Variants in RBPMS observed in about 807,000 individuals in gnomAD.
The protein encoded by RBPMS is RNA-binding protein with multiple splicing.
RBPMS carries 7 observed loss-of-function variants against 26.8 expected under a neutral mutation model. That is an observed-to-expected ratio of 0.26 (90% CI 0.15 to 0.49). The LOEUF (loss-of-function observed/expected upper bound fraction) is 0.49, where lower values mean the gene tolerates loss of function less well. Ranked by LOEUF, RBPMS falls within the 20% of genes least tolerant of loss-of-function variation. The pLI, the probability that RBPMS is intolerant of heterozygous loss-of-function variation, is 0.98. For synonymous variants in RBPMS, 96 were observed against 93.3 expected, an observed-to-expected ratio of 1.03 and a Z score of -0.17; for missense variants, 186 against 250.0, an observed-to-expected ratio of 0.74 and a Z score of 1.73.
At chr8:30,451,710 A>G (rs1225417095) in intron 1 of RBPMS, among the ~76,000 whole-genome samples, 3 of 152,178 alleles carry the variant, frequency 2.0e-5, no homozygotes, top group East Asian at 3.8e-4. Context: ...AAAATGAGAA[A>G]CTAGAGATAC....
chr8:30,448,903 C>T (rs10954994), intron 1 of RBPMS, among the ~76,000 whole-genome samples: 3 of 151,970 alleles, frequency 2.0e-5, no homozygotes, highest in African/African-American at 7.3e-5. Context: ...TAAAATATTA[C>T]GAGACCATAC....
chr8:30,423,983 G>A (rs1429338667), intron 1 of RBPMS, among the ~76,000 whole-genome samples: 1 of 152,010 alleles, frequency 6.6e-6, no homozygotes, highest in Non-Finnish European at 1.5e-5. Flanking sequence ...GACCTCAGAC[G>A]TGCACCACCA....
intron 1 of RBPMS, among the ~76,000 whole-genome samples, chr8:30,409,735 C>A (rs984776606): frequency 6.6e-6 from 1 of 152,026 alleles, no homozygotes; most frequent in African/African-American, 2.4e-5. Context: ...CTGGTTCAAG[C>A]GATTCTCCTG....
intron 6 of RBPMS, chr8:30,556,848 A>C: frequency 2.2e-6 from 2 of 895,812 alleles, no homozygotes; most frequent in African/African-American, 3.7e-5. Context: ...CCTCCCCTAG[A>C]CTCTTCTGTC....
intron 8 of RBPMS, among the ~76,000 whole-genome samples, chr8:30,567,051 T>C (rs1436606084): frequency 6.6e-6 from 1 of 152,164 alleles, no homozygotes; most frequent in Non-Finnish European, 1.5e-5. Context: ...GACCTTGCTG[T>C]TGGGTCTCTG....
At position 30,555,773 on chromosome 8, in the gene RBPMS, G is replaced by A. The variant is rs944300080; in HGVS notation, c.529-3114G>A. 1.3e-5 allele frequency: 7 copies of A among 558,398 alleles called. No homozygotes were observed. In the Admixed American group the frequency reaches 2.5e-4, roughly 20 times the overall value. 34.6% of individuals were successfully genotyped at this position (558,398 alleles called of 1,614,324 possible). A position where few individuals can be genotyped will look rare whatever the true frequency, so the allele number is the denominator to read the frequency against. ...GTAGGTTTCCCCGTTAAGAAGAATT[G>A]TAAAGCAGCCCTTATGGGATGGGCA... On this transcript the variant is annotated intron_variant, in intron 6 of 8. Coordinates refer to ENST00000397323, the MANE Select transcript of RBPMS (RefSeq NM_001008710.3).
chr8:30,390,156 TAA>T (rs981175967), intron 1 of RBPMS, among the ~76,000 whole-genome samples: 8 of 152,226 alleles, frequency 5.3e-5, no homozygotes, highest in African/African-American at 1.9e-4. Context: ...TTTCGGTGTT[TAA>T]GTTTTCGAAA....
intron 6 of RBPMS, chr8:30,555,864 T>C (rs1826837287): frequency 1.0e-6 from 1 of 985,306 alleles, no homozygotes; most frequent in Non-Finnish European, 1.2e-6. Flanking sequence ...GAGAACCCTC[T>C]CCTCATTACC....
chr8:30,571,443 C>T lies in RBPMS; in HGVS notation c.*918C>T, dbSNP rs1477661388. On this transcript the variant is annotated 3_prime_UTR_variant, in exon 9 of 9. Coordinates refer to ENST00000397323, the MANE Select transcript of RBPMS (RefSeq NM_001008710.3). Reference sequence around the variant, plus strand: ...CTGCTCCCGCAGTGTAAGTGCAGAGCCTGCCTCACTGGTAAGGGAAAACCT... The same window carrying T: ...CTGCTCCCGCAGTGTAAGTGCAGAGTCTGCCTCACTGGTAAGGGAAAACCT... 1 of 152,294 alleles carries T rather than the reference C, an allele frequency of 6.6e-6. No individual in the cohort carries two copies. Among genetic ancestry groups the T allele is most frequent in the Non-Finnish European group, 1.5e-5 (1 of 68,068 alleles). 9.4% of individuals were successfully genotyped at this position (152,294 alleles called of 1,614,324 possible).
intron 1 of RBPMS, among the ~76,000 whole-genome samples, chr8:30,417,263 G>A (rs1422522079): frequency 7.2e-5 from 11 of 152,098 alleles, no homozygotes; most frequent in Admixed American, 7.2e-4. Context: ...ACGATGACTG[G>A]ATATTTAAGC....
chr8:30,408,934 A>G (rs1329133840), intron 1 of RBPMS, among the ~76,000 whole-genome samples: 3 of 152,096 alleles, frequency 2.0e-5, no homozygotes, highest in East Asian at 1.9e-4. Context: ...CAGACATTTC[A>G]TGCAAGTGGA....
intron 1 of RBPMS, among the ~76,000 whole-genome samples, chr8:30,471,508 G>T (rs1817104656): frequency 6.6e-6 from 1 of 151,928 alleles, no homozygotes; most frequent in African/African-American, 2.4e-5. Context: ...ATGACACTTA[G>T]AACGTAAGTT....
At chr8:30,420,702 G>A (rs1191290828) in intron 1 of RBPMS, among the ~76,000 whole-genome samples, 2 of 152,220 alleles carry the variant, frequency 1.3e-5, no homozygotes, top group African/African-American at 4.8e-5. Context: ...TATCTTTTGG[G>A]AAAATTACTT....
chr8:30,486,721 A>T (rs1478714206), intron 4 of RBPMS, among the ~76,000 whole-genome samples: 18 of 152,204 alleles, frequency 1.2e-4, no homozygotes, highest in Non-Finnish European at 1.5e-5. Context: ...TCCCTGGAGA[A>T]TTAGGGAGGA....
intron 5 of RBPMS, 21 bp from the exon 6 acceptor site, chr8:30,544,473 C>G (rs775144034): frequency 5.0e-5 from 81 of 1,611,092 alleles, no homozygotes; most frequent in Non-Finnish European, 6.7e-5. Context: ...CACTAACTCT[C>G]GCCTTATTCT....
chr8:30,549,824 CTCT>C lies in RBPMS; in HGVS notation c.528+5202_528+5204del, dbSNP rs1356135245. Reference sequence around the variant, plus strand: ...CTCTCTCCTCTCTCTCTCTCTCTCTCTCTTTTCTTTCTTTTCTTTCTTTTCTTT... The same window carrying C: ...CTCTCTCCTCTCTCTCTCTCTCTCTCTTTCTTTCTTTTCTTTCTTTTCTTT... On this transcript the variant is annotated intron_variant, in intron 6 of 8. Coordinates refer to ENST00000397323, the MANE Select transcript of RBPMS (RefSeq NM_001008710.3). Among the ~76,000 whole-genome samples the C allele has an allele frequency of 4.8e-5, 6 of 126,198 alleles. No homozygotes were observed. In the South Asian group the frequency reaches 7.3e-4, roughly 15 times the overall value. 82.8% of individuals were successfully genotyped at this position (126,198 alleles called of 152,430 possible).
intron 4 of RBPMS, among the ~76,000 whole-genome samples, chr8:30,496,126 G>T (rs1819912161): frequency 6.6e-6 from 1 of 151,506 alleles, no homozygotes; most frequent in Non-Finnish European, 1.5e-5. Context: ...ATGAATGCCT[G>T]TGTGGTATTC....
intron 1 of RBPMS, among the ~76,000 whole-genome samples, chr8:30,455,620 G>T (rs1442106940): frequency 2.0e-5 from 3 of 152,038 alleles, no homozygotes; most frequent in African/African-American, 7.2e-5. Context: ...CCGGGCGTGG[G>T]AGCTCACGCC....
intron 6 of RBPMS, among the ~76,000 whole-genome samples, chr8:30,554,615 G>A (rs1359004482): frequency 6.6e-6 from 1 of 152,052 alleles, no homozygotes; most frequent in East Asian, 1.9e-4. Flanking sequence ...TTGACCATGT[G>A]CCTGGTGATC....
Sources: gnomAD v4.1 joint callset for allele counts (sites outside exome capture counted in the v4.1 genomes callset) on GRCh38, gnomAD v4.1.1 for gene constraint, MANE v1.5 for transcripts, NCBI Gene and HGNC (gene_info 2026-07-23, HGNC 2026-07-21) for gene names.